The following GPHN variants were observed in gnomAD, a reference collection of about 807,000 sequenced individuals.
GPHN encodes gephyrin.
A neutral mutation model predicts 95.5 loss-of-function variants in GPHN; 17 were observed. The observed-to-expected ratio is 0.18, with a 90% CI of 0.12 to 0.27. The LOEUF is 0.27. Ranked by LOEUF, GPHN falls within the 10% of genes least tolerant of loss-of-function variation. GPHN has a pLI of 1.00. For missense variants in GPHN, 660 were observed against 978.1 expected, an observed-to-expected ratio of 0.67 and a Z score of 4.34; for synonymous variants, 320 against 322.5, an observed-to-expected ratio of 0.99 and a Z score of 0.08.
the GPHN span, chr14:67,722,416 C>T: frequency 3.3e-6 from 2 of 606,940 alleles, no homozygotes. Flanking sequence ...CCATCCCCTC[C>T]CCACCAGGAC....
chr14:67,490,122 G>A, the GPHN span, among the ~76,000 whole-genome samples: 1 of 152,170 alleles, frequency 6.6e-6, no homozygotes, highest in African/African-American at 2.4e-5. Context: ...TAAATTCTTG[G>A]GCGACTGAAA....
At chr14:67,329,052 T>C in the GPHN span, among the ~76,000 whole-genome samples, 1 of 152,246 alleles carries the variant, frequency 6.6e-6, no homozygotes, top group African/African-American at 2.4e-5. Context: ...GCATTGAATC[T>C]ATAAATTACC....
chr14:66,720,714 T>C (rs2070661542), intron 2 of GPHN, among the ~76,000 whole-genome samples: 1 of 152,148 alleles, frequency 6.6e-6, no homozygotes, highest in African/African-American at 2.4e-5. Flanking sequence ...AAAAATATAA[T>C]CTAGGCCAGG....
intron 5 of GPHN, among the ~76,000 whole-genome samples, chr14:66,902,063 GTTC>G (rs2065151116): frequency 6.6e-6 from 1 of 151,728 alleles, no homozygotes; most frequent in South Asian, 2.1e-4. Flanking sequence ...ATGTTTTATG[GTTC>G]TTCTTGTATA....
the GPHN span, among the ~76,000 whole-genome samples, chr14:67,213,268 C>T: frequency 6.7e-6 from 1 of 148,842 alleles, no homozygotes; most frequent in Non-Finnish European, 1.5e-5. Flanking sequence ...CACCCATTAA[C>T]TCGTCATTTA....
At chr14:67,701,024 CAAAA>C in the GPHN span, among the ~76,000 whole-genome samples, 2 of 67,448 alleles carry the variant, frequency 3.0e-5, no homozygotes, top group South Asian at 6.0e-4. Flanking sequence ...AATTTCATCT[CAAAA>C]AAAAAAAAAA....
intron 9 of GPHN, among the ~76,000 whole-genome samples, chr14:67,004,223 T>C (rs944025137): frequency 6.6e-6 from 1 of 151,774 alleles, no homozygotes; most frequent in African/African-American, 2.4e-5. Flanking sequence ...TTAGAAAACA[T>C]ACTCTGAGCT....
chr14:67,128,769 T>C (rs1323191578), intron 17 of GPHN, among the ~76,000 whole-genome samples: 1 of 151,366 alleles, frequency 6.6e-6, no homozygotes, highest in African/African-American at 2.4e-5. Flanking sequence ...ACGCTGTCTC[T>C]ACTAAAAATA....
intron 2 of GPHN, among the ~76,000 whole-genome samples, chr14:66,701,886 T>C (rs1459779532): frequency 6.6e-6 from 1 of 152,184 alleles, no homozygotes; most frequent in Non-Finnish European, 1.5e-5. Flanking sequence ...CTGCCTAGCA[T>C]GCTAAGCTCC....
the GPHN span, among the ~76,000 whole-genome samples, chr14:67,469,126 G>A: frequency 3.9e-5 from 6 of 152,224 alleles, 1 homozygote; most frequent in South Asian, 1.0e-3. Flanking sequence ...TTTCATAAGG[G>A]AAAAAGCTTT....
the GPHN span, among the ~76,000 whole-genome samples, chr14:67,526,017 G>T: frequency 6.6e-6 from 1 of 152,342 alleles, no homozygotes; most frequent in East Asian, 1.9e-4. Flanking sequence ...GAATCTGCCT[G>T]CTCTGCTCCA....
At chr14:67,246,522 G>A in the GPHN span, among the ~76,000 whole-genome samples, 1 of 151,940 alleles carries the variant, frequency 6.6e-6, no homozygotes, top group Non-Finnish European at 1.5e-5. Flanking sequence ...AAAATTTTTT[G>A]TAGAGACAAG....
At chr14:67,692,808 CA>C in the GPHN span, 5 of 881,148 alleles carry the variant, frequency 5.7e-6, no homozygotes, top group Non-Finnish European at 9.0e-6. Context: ...TTCAGATCAG[CA>C]AATCAGTGGA....
At chr14:67,037,288 A>G (rs2074468850) in intron 10 of GPHN, among the ~76,000 whole-genome samples, 1 of 151,978 alleles carries the variant, frequency 6.6e-6, no homozygotes, top group Non-Finnish European at 1.5e-5. Context: ...TTACCTCAAA[A>G]TGGATTAAAG....
At chr14:67,056,760 C>T (rs559098581) in intron 10 of GPHN, among the ~76,000 whole-genome samples, 194 of 149,212 alleles carry the variant, frequency 1.3e-3, no homozygotes, top group African/African-American at 4.2e-3. Flanking sequence ...TGGGACTGGG[C>T]GCTGTGGAGC....
chr14:67,526,525 A>T, the GPHN span, among the ~76,000 whole-genome samples: 443 of 152,344 alleles, frequency 2.9e-3, 2 homozygotes, highest in African/African-American at 0.01. Context: ...AGTCTTTTAT[A>T]CATCTCAGTG....
chr14:67,217,959 G>A, the GPHN span, among the ~76,000 whole-genome samples: 2 of 152,096 alleles, frequency 1.3e-5, no homozygotes, highest in African/African-American at 4.8e-5. Flanking sequence ...ATATGAATGG[G>A]TCTTGGGATG....
rs374893485 is a variant in GPHN at position 66,840,096 on chromosome 14, C to T, written c.294+15530C>T. Among the ~76,000 whole-genome samples, 47 of 151,898 alleles carry T rather than the reference C, an allele frequency of 3.1e-4. No homozygotes were observed. In the East Asian group the frequency reaches 7.2e-3, roughly 23 times the overall value. ...GAGTTCGAGACCAGCCTGGCCAACA[C>T]GGTGAAACCCCGTCTCTACTAAAAA... On this transcript the variant is annotated intron_variant, in intron 4 of 22. Transcript: ENST00000478722.
intron 12 of GPHN, 70 bp downstream of exon 12, chr14:67,089,145 T>TTTTTTTTTTTTTTTTTA (rs1452885538): frequency 2.1e-6 from 1 of 482,174 alleles, no homozygotes; most frequent in Non-Finnish European, 3.6e-6. Flanking sequence ...TTTTTTTTTT[T>TTTTTTTTTTTTTTTTTA]TTTTTTTTTT....
Sources: gnomAD v4.1 joint callset for allele counts (sites outside exome capture counted in the v4.1 genomes callset) on GRCh38, gnomAD v4.1.1 for gene constraint, MANE v1.5 for transcripts, NCBI Gene and HGNC (gene_info 2026-07-23, HGNC 2026-07-21) for gene names.